The following ANO1 variants were observed in gnomAD, a reference collection of about 807,000 sequenced individuals.
ANO1 encodes anoctamin-1.
A neutral mutation model predicts 124.0 loss-of-function variants in ANO1; 59 were observed. The ratio of observed to expected loss-of-function variants is 0.48; its 90% CI spans 0.39 to 0.59. The LOEUF (loss-of-function observed/expected upper bound fraction) is 0.59. ANO1 is among the 20% of genes least tolerant of loss of function. The probability of loss-of-function intolerance (pLI) is 0.00; values close to 1 mark genes in which losing one functional copy is unlikely to be tolerated. For synonymous variants in ANO1, 529 were observed against 532.0 expected, an observed-to-expected ratio of 0.99 and a Z score of 0.08; for missense variants, 1,059 against 1,328.0, an observed-to-expected ratio of 0.80 and a Z score of 3.15.
chr11:70,171,243 C>T (rs2048462750), intron 22 of ANO1, among the ~76,000 whole-genome samples: 1 of 152,170 alleles, frequency 6.6e-6, no homozygotes, highest in Admixed American at 6.5e-5. Flanking sequence ...CTTCCCCTCC[C>T]AAGATGCCTT....
intron 6 of ANO1, chr11:70,111,189 AT>A: frequency 2.2e-6 from 1 of 457,890 alleles, no homozygotes; most frequent in Non-Finnish European, 4.4e-6. Context: ...TGTGGGAAGT[AT>A]GGTAAGTGTG....
intron 1 of ANO1, among the ~76,000 whole-genome samples, chr11:70,020,426 A>G (rs1555002523): frequency 2.6e-5 from 4 of 152,138 alleles, no homozygotes; most frequent in Non-Finnish European, 5.9e-5. Flanking sequence ...TTGAAGAAAG[A>G]GTCAGACTGG....
chr11:69,983,488 T>G (rs1855975761), upstream of ANO1, among the ~76,000 whole-genome samples: 1 of 152,182 alleles, frequency 6.6e-6, no homozygotes. Flanking sequence ...TTGACATAAA[T>G]ATCTTCCTGC....
At chr11:70,064,430 T>C (rs1269838345) in intron 1 of ANO1, 1 of 152,264 alleles carries the variant, frequency 6.6e-6, no homozygotes, top group African/African-American at 2.4e-5. Context: ...CCTTTGTTCT[T>C]AGTCCTGTTT....
Position 70,185,704 on chromosome 11 carries a change from G to A in ANO1, c.2694+9G>A. On this transcript the variant is annotated intron_variant, in intron 25 of 25. Transcript: ENST00000355303. ...TTGTCATCGTCTTCCAGGTGCGGTG[G>A]GTCCCTCTTTGTTTCCGGTTTGAAG... 6.2e-7 allele frequency: 1 copy of A among 1,613,286 alleles called. No homozygotes were observed. Among genetic ancestry groups the A allele is most frequent in the Non-Finnish European group, 8.5e-7 (1 of 1,179,300 alleles).
At chr11:70,084,800 G>A (rs2044310620) in intron 1 of ANO1, among the ~76,000 whole-genome samples, 1 of 152,200 alleles carries the variant, frequency 6.6e-6, no homozygotes, top group Non-Finnish European at 1.5e-5. Context: ...ACTGAGGCCT[G>A]CTAAATTGCT....
intron 23 of ANO1, 74 bp from the exon 24 acceptor site, chr11:70,182,428 G>A: frequency 7.7e-7 from 1 of 1,297,674 alleles, no homozygotes; most frequent in Non-Finnish European, 1.0e-6. Context: ...ACTGTGGATG[G>A]GTCACCCCCT....
At chr11:70,095,432 A>AAAG (rs2044907223) in intron 2 of ANO1, among the ~76,000 whole-genome samples, 2 of 140,232 alleles carry the variant, frequency 1.4e-5, no homozygotes, top group Non-Finnish European at 3.2e-5. Context: ...GAAAGAAAAG[A>AAAG]AAAGAAAGAA....
chr11:70,039,229 G>A (rs182912938), intron 1 of ANO1, among the ~76,000 whole-genome samples: 1 of 152,250 alleles, frequency 6.6e-6, no homozygotes, highest in Admixed American at 6.5e-5. Flanking sequence ...TAGGACTCAT[G>A]CTTAAACACT....
Position 70,062,067 on chromosome 11 carries a change from CTTTTTTTTTTTT to C in ANO1, c.59-16460_59-16449del, listed in dbSNP as rs1175846749. On this transcript the variant is annotated intron_variant, in intron 1 of 27. Transcript: ENST00000531349. ...GTGATTTTTTTCTCTTTCCTTCTTT[CTTTTTTTTTTTT>C]TTTTTTTTTTTTTTGAGATGGAGTT... Among the ~76,000 whole-genome samples, 103 of 62,300 alleles carry C rather than the reference CTTTTTTTTTTTT, an allele frequency of 1.7e-3. 1 individual carries two copies. The highest frequency in any genetic ancestry group is 5.6e-3 in the African/African-American group (91 of 16,232). 40.9% of individuals were successfully genotyped at this position (62,300 alleles called of 152,430 possible). A position where few individuals can be genotyped will look rare whatever the true frequency, so the allele number is the denominator to read the frequency against.
chr11:70,067,968 C>G (rs1857773617), intron 1 of ANO1, among the ~76,000 whole-genome samples: 1 of 152,048 alleles, frequency 6.6e-6, no homozygotes, highest in Non-Finnish European at 1.5e-5. Context: ...GGTCTGTGCC[C>G]TGGGCTCACA....
At chr11:70,046,114 C>A (rs79435300) in intron 1 of ANO1, among the ~76,000 whole-genome samples, 5,528 of 152,168 alleles carry the variant, frequency 0.036, 139 homozygotes, top group East Asian at 0.11. Context: ...GACAGAGGTG[C>A]AGGAATAATT....
chr11:70,181,906 G>A (rs1435889995), intron 23 of ANO1, among the ~76,000 whole-genome samples: 2 of 152,226 alleles, frequency 1.3e-5, no homozygotes, highest in Admixed American at 1.3e-4. Flanking sequence ...GGACTGCCAT[G>A]GCCCCATCTT....
chr11:70,098,095 G>A (rs1031888614), intron 2 of ANO1, among the ~76,000 whole-genome samples: 4 of 152,192 alleles, frequency 2.6e-5, no homozygotes, highest in Non-Finnish European at 5.9e-5. Context: ...GTCTGCCCCC[G>A]AGTCCGACGG....
chr11:70,049,180 A>T (rs782234180), intron 1 of ANO1, among the ~76,000 whole-genome samples: 4 of 152,164 alleles, frequency 2.6e-5, no homozygotes, highest in African/African-American at 9.6e-5. Flanking sequence ...ACCCGACATG[A>T]AGTGGGAGCT....
upstream of ANO1, among the ~76,000 whole-genome samples, chr11:69,984,464 C>T (rs61885140): frequency 0.12 from 13,910 of 119,132 alleles, 825 homozygotes; most frequent in East Asian, 0.25. Flanking sequence ...AGACTCAATG[C>T]GAGGAAGGAA....
intron 1 of ANO1, among the ~76,000 whole-genome samples, chr11:70,083,743 C>T (rs1340408178): frequency 6.6e-6 from 1 of 152,208 alleles, no homozygotes; most frequent in African/African-American, 2.4e-5. Context: ...ACCAGGTTCT[C>T]AGTCCCTGTG....
rs1189336547 is a variant in ANO1, at chr11:70,182,468, G to T, written c.2404-34G>T. The T allele has an allele frequency of 4.8e-6, 7 of 1,468,686 alleles. No individual in the cohort carries two copies. The Admixed American group carries it at 1.6e-4, about 34-fold the overall frequency. The allele number at this position is 1,468,686 out of a possible 1,614,324, so 91.0% of individuals were successfully genotyped here. A position where few individuals can be genotyped will look rare whatever the true frequency, so the allele number is the denominator to read the frequency against. ...CGGCCGGCCCTTCTGCGCCCAGGCT[G>T]GGGGTCCCCCTCACTGCCATGTCCC... On this transcript the variant is annotated intron_variant, in intron 23 of 25. Coordinates refer to ENST00000355303, the MANE Select transcript of ANO1 (RefSeq NM_018043.7).
chr11:70,006,421 G>A (rs557414157), intron 1 of ANO1, among the ~76,000 whole-genome samples: 5 of 152,046 alleles, frequency 3.3e-5, no homozygotes, highest in South Asian at 2.1e-4. Flanking sequence ...GGGTGGGCGC[G>A]CCCAGGCTGA....
Sources: allele counts gnomAD v4.1 joint callset (sites outside exome capture counted in the v4.1 genomes callset), GRCh38; gene constraint gnomAD v4.1.1; transcripts MANE v1.5; gene names NCBI Gene and HGNC (gene_info 2026-07-23, HGNC 2026-07-21).